SORBS2: variants seen among roughly 807,000 people sequenced by gnomAD.
The protein encoded by SORBS2 is sorbin and SH3 domain-containing protein 2.
In SORBS2, 46 loss-of-function variants were observed where a neutral mutation model predicts 97.7. The ratio of observed to expected loss-of-function variants is 0.47; its 90% confidence interval spans 0.37 to 0.60. The LOEUF is 0.60. Among genes scored for constraint, SORBS2 ranks in the 20% least tolerant of loss-of-function variants. SORBS2 has a pLI of 0.00. For missense variants in SORBS2, 1,316 were observed against 1,282.3 expected (o/e 1.03, Z -0.40); for synonymous variants, 476 against 473.4 (o/e 1.01, Z -0.07).
At chr4:185,587,254 G>C (rs1459145489) in exon 15 of SORBS2, 1 of 211,064 alleles carries the variant, frequency 4.7e-6, no homozygotes, top group Non-Finnish European at 9.4e-6. Context: ...ACATCGCCTG[G>C]GGGGAGATGT....
At chr4:185,701,045 G>A (rs554359118) in intron 2 of SORBS2, among the ~76,000 whole-genome samples, 89 of 152,284 alleles carry the variant, frequency 5.8e-4, no homozygotes, top group African/African-American at 2.0e-3. Context: ...TTGACGTACT[G>A]GCTAAAGGTA....
chr4:185,638,764 G>A, intron 4 of SORBS2, 113 bp downstream of exon 14: 1 of 999,716 alleles, frequency 1.0e-6, no homozygotes, highest in Non-Finnish European at 1.4e-6. Flanking sequence ...TCTGGGGCCT[G>A]GATGGGTGCG....
chr4:185,683,607 AT>A (rs536601986), intron 2 of SORBS2, among the ~76,000 whole-genome samples: 44 of 151,724 alleles, frequency 2.9e-4, no homozygotes, highest in East Asian at 1.2e-3. Context: ...TTGTATAGAG[AT>A]TTTTTTTTAA....
chr4:185,717,859 C>T (rs1036749660), intron 2 of SORBS2, among the ~76,000 whole-genome samples: 2 of 152,238 alleles, frequency 1.3e-5, no homozygotes, highest in African/African-American at 4.8e-5. Flanking sequence ...GAGTTACTTT[C>T]TCTCTCTGTG....
intron 1 of SORBS2, among the ~76,000 whole-genome samples, chr4:185,832,235 T>C (rs566604368): frequency 6.6e-6 from 1 of 152,350 alleles, no homozygotes; most frequent in East Asian, 1.9e-4. Flanking sequence ...CTAGTTAAGA[T>C]TTAAAATCAT....
intron 1 of SORBS2, among the ~76,000 whole-genome samples, chr4:185,884,592 T>A (rs889920916): frequency 6.6e-6 from 1 of 152,196 alleles, no homozygotes; most frequent in Non-Finnish European, 1.5e-5. Context: ...GAGAATATGA[T>A]TTCCATCAAC....
intron 1 of SORBS2, among the ~76,000 whole-genome samples, chr4:185,858,584 T>C (rs1240191099): frequency 6.6e-6 from 1 of 152,214 alleles, no homozygotes; most frequent in Non-Finnish European, 1.5e-5. Flanking sequence ...GCCTTTTAGC[T>C]GAGGTTGCCA....
chr4:185,741,100 AG>A (rs2098722204), intron 2 of SORBS2, among the ~76,000 whole-genome samples: 1 of 152,158 alleles, frequency 6.6e-6, no homozygotes, highest in African/African-American at 2.4e-5. Flanking sequence ...ATGTCGAGAA[AG>A]TCTAACCAAA....
chr4:185,766,155 A>C (rs2098933015), intron 2 of SORBS2, among the ~76,000 whole-genome samples: 1 of 152,194 alleles, frequency 6.6e-6, no homozygotes, highest in African/African-American at 2.4e-5. Context: ...TTAGTCTGAC[A>C]TCTGACATCC....
At chr4:185,743,530 C>A (rs1252959233) in intron 2 of SORBS2, among the ~76,000 whole-genome samples, 2 of 152,204 alleles carry the variant, frequency 1.3e-5, no homozygotes, top group African/African-American at 4.8e-5. Context: ...AACTGTGATA[C>A]ACAATGATTT....
intron 9 of SORBS2, among the ~76,000 whole-genome samples, chr4:185,618,050 T>C (rs1205159684): frequency 6.6e-6 from 1 of 152,212 alleles, no homozygotes; most frequent in African/African-American, 2.4e-5. Context: ...CCTCAGCTTA[T>C]GGCAGCGTCT....
At chr4:185,825,506 CTGTT>C (rs1442086353) in intron 1 of SORBS2, among the ~76,000 whole-genome samples, 1 of 152,138 alleles carries the variant, frequency 6.6e-6, no homozygotes, top group African/African-American at 2.4e-5. Context: ...GTAGAAACTC[CTGTT>C]TGTTTTATTT....
At chr4:185,769,644 C>T (rs2098957796) in intron 2 of SORBS2, among the ~76,000 whole-genome samples, 1 of 152,068 alleles carries the variant, frequency 6.6e-6, no homozygotes, top group Non-Finnish European at 1.5e-5. Flanking sequence ...GCATGCACCA[C>T]CATGCCCGGC....
chr4:185,870,736 C>A (rs1047149652), intron 1 of SORBS2, among the ~76,000 whole-genome samples: 4 of 152,200 alleles, frequency 2.6e-5, no homozygotes, highest in African/African-American at 7.2e-5. Context: ...CAGAATCCAC[C>A]TTTGGTGAGG....
At chr4:185,802,218 G>C (rs1025923645) in intron 1 of SORBS2, among the ~76,000 whole-genome samples, 1 of 152,148 alleles carries the variant, frequency 6.6e-6, no homozygotes, top group African/African-American at 2.4e-5. Flanking sequence ...TAAATGCATT[G>C]ATTATATCTG....
chr4:185,638,931 G>A, intron 4 of SORBS2: 1 of 1,509,804 alleles, frequency 6.6e-7, no homozygotes, highest in East Asian at 2.7e-5. Flanking sequence ...CGCCACTCCG[G>A]GGCGGAGGGG....
At chr4:185,590,769 C>T (rs775589154) in intron 13 of SORBS2, among the ~76,000 whole-genome samples, 18 of 151,958 alleles carry the variant, frequency 1.2e-4, no homozygotes, top group Admixed American at 6.6e-4. Flanking sequence ...AAAATGAAGG[C>T]GAAATTACTG....
At chr4:185,647,172 G>A (rs1318576917) in intron 3 of SORBS2, among the ~76,000 whole-genome samples, 1 of 152,128 alleles carries the variant, frequency 6.6e-6, no homozygotes, top group African/African-American at 2.4e-5. Flanking sequence ...CATCGCTTGG[G>A]AAGAGCACAG....
intron 1 of SORBS2, among the ~76,000 whole-genome samples, chr4:185,922,307 G>C (rs756424664): frequency 6.6e-5 from 10 of 152,098 alleles, no homozygotes; most frequent in Admixed American, 2.6e-4. Context: ...TCATTGGAGT[G>C]CATCACTCAG....
Sources: gnomAD v4.1 joint callset for allele counts (sites outside exome capture counted in the v4.1 genomes callset) on GRCh38, gnomAD v4.1.1 for gene constraint, MANE v1.5 for transcripts, NCBI Gene and HGNC (gene_info 2026-07-23, HGNC 2026-07-21) for gene names.